The following ZNF300 variants were observed in gnomAD, a reference collection of about 807,000 sequenced individuals.
ZNF300 encodes the protein zinc finger protein 300, also known as kruppel-like zinc finger protein.
In ZNF300, 6 loss-of-function variants were observed where a neutral mutation model predicts 13.9. That is an observed-to-expected ratio of 0.43 (90% confidence interval 0.24 to 0.85). ZNF300 has a LOEUF of 0.85. Ranked by LOEUF, ZNF300 falls within the 40% of genes least tolerant of loss-of-function variation. ZNF300 has a pLI of 0.25. For missense variants in ZNF300, 662 were observed against 714.2 expected, an observed-to-expected ratio of 0.93 and a Z score of 0.83; for synonymous variants, 237 against 242.2, an observed-to-expected ratio of 0.98 and a Z score of 0.20.
At chr5:150,901,336 G>T (rs201658887) in intron 3 of ZNF300, among the ~76,000 whole-genome samples, 1 of 151,954 alleles carries the variant, frequency 6.6e-6, no homozygotes, top group Non-Finnish European at 1.5e-5. Flanking sequence ...TATTACTCAA[G>T]ATATCGTTTC....
At position 150,896,499 on chromosome 5, in the gene ZNF300, C is replaced by T. The variant is rs1170039678; in HGVS notation, c.740G>A (p.Gly247Glu). 6.2e-7 allele frequency: 1 copy of T among 1,613,466 alleles called. No individual in the cohort carries two copies. The highest frequency in any genetic ancestry group is 2.2e-5 in the East Asian group (1 of 44,846). The stretch of plus-strand genomic sequence containing the variant: ...GGATTGTGTATTTCTAAAAACGTTT[C>T]CACACTGATTATCATCAAAAGGTAT... ...GVIPFDDNQC[G>E]NVFRNTQSLI... Residue 247 changes from glycine to glutamate, a missense_variant, in exon 6 of 6, where the codon GGA becomes GAA. Physicochemically the swap from Gly to Glu is moderately conservative, Grantham distance 98. Coordinates refer to ENST00000274599, the MANE Select transcript of ZNF300 (RefSeq NM_052860.4).
At position 150,896,121 on chromosome 5, in the gene ZNF300, C is replaced by A. The variant is rs866815097; in HGVS notation, c.1118G>T (p.Arg373Ile). Residue 373 changes from arginine to isoleucine, a missense_variant, in exon 6 of 6, where the codon AGA (arginine) becomes ATA (isoleucine). Transcript: ENST00000274599. ...ATAGGGTTTTTCCCCAGTATGTATT[C>A]TCTGATGTATAATGAGGGGTGATTT... The part of the protein sequence containing the change: ...SQKSPLIIHQ[R>I]IHTGEKPYEC... 4.3e-6 allele frequency: 7 copies of A among 1,613,228 alleles called. No individual in the cohort carries two copies. Among genetic ancestry groups the A allele is most frequent in the Non-Finnish European group, 5.1e-6 (6 of 1,179,720 alleles).
In ZNF300 at chr5:150,896,869, T is replaced by C; in HGVS notation, c.370A>G (p.Ile124Val). 1.2e-6 allele frequency: 2 copies of C among 1,613,716 alleles called. No homozygotes were observed. Among genetic ancestry groups the C allele is most frequent in the Non-Finnish European group, 1.7e-6 (2 of 1,179,760 alleles). Residue 124 changes from isoleucine to valine, a missense_variant, in exon 6 of 6, where the codon ATT becomes GTT. Transcript: ENST00000274599. ...CCATCACCTTGACAGACTTTTAAAATGGAGCACAATGAACCATCCCTTGTG... is the reference window on the plus strand; with the variant it reads ...CCATCACCTTGACAGACTTTTAAAACGGAGCACAATGAACCATCCCTTGTG... ...GVTRDGSLCS[I>V]LKVCQGDGQL...
In ZNF300 at chr5:150,896,992, C is replaced by T. The variant is rs1754815125; in HGVS notation, c.266-19G>A. 1.3e-6 allele frequency: 2 copies of T among 1,580,814 alleles called. No homozygotes were observed. The highest frequency in any genetic ancestry group is 4.5e-5 in the East Asian group (2 of 44,670). ...TTCCTGTCTAAAAGAAGAAAAGATA[C>T]AATTTAAGAGTCATCACAAGAGTCA... is the stretch of plus-strand genomic sequence containing the variant. On this transcript the variant is annotated intron_variant, in intron 5 of 5. Coordinates refer to ENST00000274599, the MANE Select transcript of ZNF300 (RefSeq NM_052860.4).
Position 150,895,434 on chromosome 5 carries a change from A to G in ZNF300, c.1805T>C (p.Val602Ala). The G allele has an allele frequency of 1.9e-6, 3 of 1,599,620 alleles. No individual in the cohort carries two copies. Among genetic ancestry groups the G allele is most frequent in the Non-Finnish European group, 2.6e-6 (3 of 1,171,314 alleles). Residue 602 changes from valine to alanine, a missense_variant, in exon 6 of 6, where the codon GTA becomes GCA. By Grantham distance (64) the Val-to-Ala change is moderately conservative. Transcript: ENST00000274599. ...LTVHQRIHTV[V>A]KS ...TCTGTGGCCAGTTCATTATGATTTT[A>G]CCACTGTGTGAATTCTCTGGTGTAC...
At chr5:150,901,239 A>G (rs1413742127) in intron 3 of ZNF300, among the ~76,000 whole-genome samples, 2 of 152,152 alleles carry the variant, frequency 1.3e-5, no homozygotes, top group African/African-American at 4.8e-5. Context: ...TGTAACAGAA[A>G]TATAAAGCTA....
In ZNF300 at chr5:150,896,646, A is replaced by G. The variant is rs1289130324; in HGVS notation, c.593T>C (p.Ile198Thr). 1.2e-6 allele frequency: 2 copies of G among 1,613,454 alleles called. No homozygotes were observed. The highest frequency in any genetic ancestry group is 1.7e-6 in the Non-Finnish European group (2 of 1,179,790). ...GCTCTTATAACAACTCGGTAGGTCAATATTTGGTTTTAAGTTCTTTTTAAA... is the reference window on the plus strand; with the variant it reads ...GCTCTTATAACAACTCGGTAGGTCAGTATTTGGTTTTAAGTTCTTTTTAAA... ...DAFKKNLKPN[I>T]DLPSCYKSNS... Residue 198 changes from isoleucine (I) to threonine (T), a missense_variant, in exon 6 of 6, where the codon ATT becomes ACT. Ile to Thr is a moderately conservative substitution (Grantham distance 89, BLOSUM62 -1). Coordinates refer to ENST00000274599, the MANE Select transcript of ZNF300 (RefSeq NM_052860.4).
Position 150,895,964 on chromosome 5 carries a change from AAT to A in ZNF300, c.1273_1274del (p.Ile425TyrfsTer3). On this transcript the variant is annotated frameshift_variant, in exon 6 of 6. Coordinates refer to ENST00000274599, the MANE Select transcript of ZNF300 (RefSeq NM_052860.4). LOFTEE classifies it low-confidence loss of function (END_TRUNC). ...CACCAGTGTGAATTCTTTTATGTATAATGAGGTGGGACTTCTCACAGAAGGCT... is the reference window on the plus strand; with the variant it reads ...CACCAGTGTGAATTCTTTTATGTATAGAGGTGGGACTTCTCACAGAAGGCT... Reference protein sequence around the residue: ...GKAFCEKSHLIIHKRIHTGEK... With the variant: ...GKAFCEKSHLXIHKRIHTGEK... The A allele has an allele frequency of 6.2e-7, 1 of 1,613,238 alleles. No individual in the cohort carries two copies. The highest frequency in any genetic ancestry group is 8.5e-7 in the Non-Finnish European group (1 of 1,179,708).
In ZNF300 at chr5:150,896,500, C is replaced by T; in HGVS notation, c.739G>A (p.Gly247Arg). 1 of 1,613,452 alleles carries T rather than the reference C, an allele frequency of 6.2e-7. No homozygotes were observed. The highest frequency in any genetic ancestry group is 1.1e-5 in the South Asian group (1 of 91,022). The change falls in exon 6 of 6, where the codon GGA (glycine) becomes AGA (arginine). Residue 247 changes from glycine (G) to arginine (R), a missense_variant. Physicochemically the swap from Gly to Arg is moderately radical, Grantham distance 125. Transcript: ENST00000274599. ...GVIPFDDNQC[G>R]NVFRNTQSLI... is the part of the protein sequence containing the mutation. ...GATTGTGTATTTCTAAAAACGTTTC[C>T]ACACTGATTATCATCAAAAGGTATT... is the stretch of plus-strand genomic sequence containing the variant.
intron 4 of ZNF300, 105 bp from the exon 5 acceptor site, chr5:150,898,289 C>A (rs1396902646): frequency 6.3e-7 from 1 of 1,589,688 alleles, no homozygotes; most frequent in East Asian, 2.2e-5. Flanking sequence ...TAGCCCTCAA[C>A]AAAGGCATAA....
At chr5:150,903,305 G>GACA (rs769276301) in intron 2 of ZNF300, 123 bp from the exon 3 acceptor site, 1 of 1,581,488 alleles carries the variant, frequency 6.3e-7, no homozygotes, top group Non-Finnish European at 8.6e-7. Flanking sequence ...GCTACCCTGT[G>GACA]GGATAAGGTT....
At chr5:150,903,116 T>A in intron 3 of ZNF300, 25 bp downstream of exon 3, 1 of 1,595,332 alleles carries the variant, frequency 6.3e-7, no homozygotes, top group Non-Finnish European at 8.5e-7. Flanking sequence ...AGAAGAATTT[T>A]TTTTTTTTTT....
Position 150,896,741 on chromosome 5 carries a change from T to C in ZNF300, c.498A>G (p.Pro166=), listed in dbSNP as rs1754800552. Residue 166 remains proline (P), a synonymous_variant, in exon 6 of 6, where the codon CCA becomes CCG. Transcript: ENST00000274599. ...VTEASGHKYN[P]LGKIFQECIE... is the part of the protein sequence containing the mutation. ...TGCACTCTTGAAATATTTTCCCCAG[T>C]GGATTATATTTATGCCCTGATGCCT... 1 of 1,613,494 alleles carries C rather than the reference T, an allele frequency of 6.2e-7. No homozygotes were observed. Among genetic ancestry groups the C allele is most frequent in the African/African-American group, 1.3e-5 (1 of 74,896 alleles).
In ZNF300 at chr5:150,896,882, A is replaced by G. The variant is rs1754807912; in HGVS notation, c.357T>C (p.Gly119=). ...HKILKGVTRD[G]SLCSILKVCQ... is the part of the protein sequence containing the mutation. The stretch of plus-strand genomic sequence containing the variant: ...AGACTTTTAAAATGGAGCACAATGA[A>G]CCATCCCTTGTGACTCCTTTCAGTA... The change falls in exon 6 of 6, where the codon GGT becomes GGC. Residue 119 remains glycine, a synonymous_variant. Coordinates refer to ENST00000274599, the MANE Select transcript of ZNF300 (RefSeq NM_052860.4). 6.2e-7 allele frequency: 1 copy of G among 1,613,526 alleles called. No homozygotes were observed. The highest frequency in any genetic ancestry group is 8.5e-7 in the Non-Finnish European group (1 of 1,179,730).
chr5:150,900,664 G>GTACT (rs1457381915), intron 3 of ZNF300: 1 of 151,886 alleles, frequency 6.6e-6, no homozygotes, highest in Non-Finnish European at 1.5e-5. Context: ...CATATACTGG[G>GTACT]TACTTAAGAA....
In ZNF300 at chr5:150,898,435, G is replaced by C. The variant is rs143104528; in HGVS notation, c.135C>G (p.Val45=). 1 of 1,613,368 alleles carries C rather than the reference G, an allele frequency of 6.2e-7. No homozygotes were observed. Among genetic ancestry groups the C allele is most frequent in the South Asian group, 1.1e-5 (1 of 91,068 alleles). ...CAGGGAAGCCATCCTTACCCATTGAGACCAGGTGGCTGTAGTTCTCCAGCA... is the reference window on the plus strand; with the variant it reads ...CAGGGAAGCCATCCTTACCCATTGACACCAGGTGGCTGTAGTTCTCCAGCA... ...DVMLENYSHL[V]SMGYPVSKPD... The change falls in exon 4 of 6, where the codon GTC becomes GTG. Residue 45 remains valine (V), a synonymous_variant. Coordinates refer to ENST00000274599, the MANE Select transcript of ZNF300 (RefSeq NM_052860.4).
chr5:150,896,540 C>T lies in ZNF300; in HGVS notation c.699G>A (p.Lys233=). 6.2e-7 allele frequency: 1 copy of T among 1,613,702 alleles called. No individual in the cohort carries two copies. Among genetic ancestry groups the T allele is most frequent in the Non-Finnish European group, 8.5e-7 (1 of 1,179,834 alleles). Residue 233 remains lysine, a synonymous_variant, in exon 6 of 6, where the codon AAG becomes AAA. Transcript: ENST00000274599. The part of the protein sequence containing the change: ...SQSEPNSNLE[K]IHNGVIPFDD... ...CAAAAGGTATTACTCCATTGTGAATCTTCTCAAGATTAGAATTGGGCTCAC... is the reference window on the plus strand; with the variant it reads ...CAAAAGGTATTACTCCATTGTGAATTTTCTCAAGATTAGAATTGGGCTCAC...
rs776768995 is a variant in ZNF300 at position 150,898,100 on chromosome 5, C to T, written c.227G>A (p.Trp76Ter). ...TGCCTGATATTCATCTGGATAGATC[C>T]AATTTGATATGTCTCCCTTTATGAT... ...PWIIKGDISNWIYPDEYQADG... is the reference protein window; with the variant it reads ...PWIIKGDISN Residue 76 changes from tryptophan (W) to a stop codon, truncating the protein, a stop_gained, in exon 5 of 6, where the codon TGG becomes TAG. Coordinates refer to ENST00000274599, the MANE Select transcript of ZNF300 (RefSeq NM_052860.4). LOFTEE classifies it low-confidence loss of function (END_TRUNC). 6 of 1,613,430 alleles carry T rather than the reference C, an allele frequency of 3.7e-6. No individual in the cohort carries two copies. Among genetic ancestry groups the T allele is most frequent in the African/African-American group, 1.3e-5 (1 of 74,856 alleles).
intron 4 of ZNF300, 41 bp downstream of exon 4, chr5:150,898,387 T>C: frequency 6.2e-7 from 1 of 1,613,292 alleles, no homozygotes; most frequent in Middle Eastern, 1.7e-4. Flanking sequence ...GAAAGGCACT[T>C]GATTGGACAA....
Sources: allele counts gnomAD v4.1 joint callset (sites outside exome capture counted in the v4.1 genomes callset), GRCh38; gene constraint gnomAD v4.1.1; transcripts MANE v1.5; gene names NCBI Gene and HGNC (gene_info 2026-07-23, HGNC 2026-07-21).